Variants in RSPO3 observed in about 807,000 individuals in gnomAD.
RSPO3 encodes the protein R-spondin 3.
In RSPO3, 17 loss-of-function variants were observed where a neutral mutation model predicts 36.5. The observed-to-expected ratio is 0.47, with a 90% CI of 0.32 to 0.70. The LOEUF is 0.70. Ranked by LOEUF, RSPO3 falls within the 30% of genes least tolerant of loss-of-function variation. RSPO3 has a pLI of 0.04. For missense variants in RSPO3, 294 were observed against 322.5 expected (o/e 0.91, Z 0.68); for synonymous variants, 108 against 107.0 (o/e 1.01, Z -0.06).
At chr6:127,139,032 A>G (rs1774216387) in intron 1 of RSPO3, among the ~76,000 whole-genome samples, 1 of 152,144 alleles carries the variant, frequency 6.6e-6, no homozygotes, top group African/African-American at 2.4e-5. Context: ...GATGCATCAT[A>G]CTTACAAAGG....
intron 1 of RSPO3, among the ~76,000 whole-genome samples, chr6:127,146,299 G>GAA (rs5879839): frequency 1.4e-4 from 21 of 149,836 alleles, no homozygotes; most frequent in Admixed American, 4.0e-4. Context: ...GTCATTATAT[G>GAA]AAAAAAAAAA....
At chr6:127,134,256 A>T (rs1166108488) in intron 1 of RSPO3, among the ~76,000 whole-genome samples, 2 of 152,212 alleles carry the variant, frequency 1.3e-5, no homozygotes, top group Non-Finnish European at 2.9e-5. Flanking sequence ...AATCATAGGA[A>T]GTATGCTATT....
intron 2 of RSPO3, 116 bp downstream of exon 2, chr6:127,148,955 A>G: frequency 1.2e-6 from 1 of 838,718 alleles, no homozygotes; most frequent in South Asian, 2.2e-5. Flanking sequence ...TGTTTATCTG[A>G]TAATTAGGCT....
chr6:127,155,485 G>A, intron 4 of RSPO3, 47 bp downstream of exon 4: 1 of 1,537,998 alleles, frequency 6.5e-7, no homozygotes, highest in Non-Finnish European at 8.9e-7. Context: ...CTCATAATCT[G>A]TTGCATTTTT....
At chr6:127,144,916 C>T (rs1457379145) in intron 1 of RSPO3, among the ~76,000 whole-genome samples, 2 of 152,068 alleles carry the variant, frequency 1.3e-5, no homozygotes, top group Non-Finnish European at 2.9e-5. Context: ...GCCACCGTGC[C>T]AGGCCCAGTA....
chr6:127,180,128 T>G (rs1775150914), intron 4 of RSPO3, among the ~76,000 whole-genome samples: 2 of 151,878 alleles, frequency 1.3e-5, no homozygotes, highest in Non-Finnish European at 2.9e-5. Context: ...ATAGAGGAGA[T>G]AAATTATTAT....
chr6:127,165,821 A>C (rs1264068604), intron 4 of RSPO3, among the ~76,000 whole-genome samples: 1 of 151,974 alleles, frequency 6.6e-6, no homozygotes, highest in Non-Finnish European at 1.5e-5. Context: ...TAAGCTACAG[A>C]TTTGTTATTT....
intron 4 of RSPO3, among the ~76,000 whole-genome samples, chr6:127,169,728 T>C (rs1418359572): frequency 6.6e-6 from 1 of 151,942 alleles, no homozygotes; most frequent in Admixed American, 6.6e-5. Flanking sequence ...TAAGGCTTTA[T>C]GGACACAATA....
intron 1 of RSPO3, among the ~76,000 whole-genome samples, chr6:127,145,776 G>C (rs1470876370): frequency 6.6e-6 from 1 of 152,112 alleles, no homozygotes; most frequent in Non-Finnish European, 1.5e-5. Context: ...AGGTGATTTA[G>C]AAATTCAAAA....
At chr6:127,119,365 C>T in intron 1 of RSPO3, 76 bp downstream of exon 1, 1 of 1,042,802 alleles carries the variant, frequency 9.6e-7, no homozygotes, top group Non-Finnish European at 1.5e-6. Context: ...TGTCCGGAGC[C>T]GGCTCCCAAC....
At chr6:127,174,488 A>C (rs1775007647) in intron 4 of RSPO3, among the ~76,000 whole-genome samples, 1 of 151,998 alleles carries the variant, frequency 6.6e-6, no homozygotes, top group African/African-American at 2.4e-5. Flanking sequence ...CAAAAGAAAC[A>C]TGTTTTTAAA....
At chr6:127,125,858 A>G (rs1043331921) in intron 1 of RSPO3, among the ~76,000 whole-genome samples, 8 of 152,120 alleles carry the variant, frequency 5.3e-5, no homozygotes, top group African/African-American at 1.4e-4. Context: ...GTCACTTCAG[A>G]GCTTCCCTAG....
chr6:127,144,331 T>C (rs1209704654), intron 1 of RSPO3, among the ~76,000 whole-genome samples: 1 of 152,150 alleles, frequency 6.6e-6, no homozygotes, highest in Non-Finnish European at 1.5e-5. Context: ...TATATAAAGA[T>C]ATAGTTACCA....
intron 4 of RSPO3, among the ~76,000 whole-genome samples, chr6:127,160,280 A>C (rs1331504544): frequency 6.6e-6 from 1 of 152,208 alleles, no homozygotes. Flanking sequence ...ATATACTACA[A>C]TCTGTTTTAA....
At chr6:127,153,681 T>C (rs867157677) in intron 3 of RSPO3, among the ~76,000 whole-genome samples, 1 of 152,154 alleles carries the variant, frequency 6.6e-6, no homozygotes, top group Non-Finnish European at 1.5e-5. Context: ...ACCGAAGTTC[T>C]GGTCACTTGC....
chr6:127,122,589 C>A (rs911043357), intron 1 of RSPO3, among the ~76,000 whole-genome samples: 88 of 152,262 alleles, frequency 5.8e-4, no homozygotes, highest in African/African-American at 2.1e-3. Flanking sequence ...TGGAACTTGT[C>A]TCCTGCCATG....
chr6:127,174,556 A>G (rs1308633761), intron 4 of RSPO3, among the ~76,000 whole-genome samples: 1 of 151,800 alleles, frequency 6.6e-6, no homozygotes. Flanking sequence ...TTTTGTTACC[A>G]TTGTCCTATG....
intron 4 of RSPO3, among the ~76,000 whole-genome samples, chr6:127,185,871 T>C (rs576389155): frequency 6.6e-6 from 1 of 152,112 alleles, no homozygotes; most frequent in Non-Finnish European, 1.5e-5. Flanking sequence ...GGCCATCCGC[T>C]CCTGTCCATA....
At chr6:127,172,779 C>T (rs915952486) in intron 4 of RSPO3, among the ~76,000 whole-genome samples, 14 of 151,532 alleles carry the variant, frequency 9.2e-5, no homozygotes, top group South Asian at 4.2e-4. Flanking sequence ...TTATTATTAT[C>T]GACTGCATTT....
Sources: allele counts gnomAD v4.1 joint callset (sites outside exome capture counted in the v4.1 genomes callset), GRCh38; gene constraint gnomAD v4.1.1; transcripts MANE v1.5; gene names NCBI Gene and HGNC (gene_info 2026-07-23, HGNC 2026-07-21).